The following NIBAN1 variants were observed in gnomAD, a reference collection of about 807,000 sequenced individuals.
NIBAN1 encodes the protein protein Niban 1.
Under a neutral mutation model 75.1 loss-of-function variants are expected in NIBAN1, and 81 were observed. The ratio of observed to expected loss-of-function variants is 1.08; its 90% CI spans 0.90 to 1.30. The LOEUF is 1.30. NIBAN1 is among the 50% of genes most tolerant of loss of function. NIBAN1 has a pLI of 0.00. For synonymous variants in NIBAN1, 436 were observed against 424.8 expected, an observed-to-expected ratio of 1.03 and a Z score of -0.32; for missense variants, 1,133 against 1,128.1, an observed-to-expected ratio of 1.00 and a Z score of -0.06.
intron 1 of NIBAN1, among the ~76,000 whole-genome samples, chr1:184,926,058 C>T (rs1657672522): frequency 6.6e-6 from 1 of 152,084 alleles, no homozygotes; most frequent in South Asian, 2.1e-4. Flanking sequence ...TAAGAAAGTT[C>T]TTATTTATCT....
intron 1 of NIBAN1, among the ~76,000 whole-genome samples, chr1:184,950,603 C>A (rs1242367350): frequency 6.6e-6 from 1 of 152,176 alleles, no homozygotes; most frequent in African/African-American, 2.4e-5. Flanking sequence ...GATTATACTT[C>A]TGCTTGTTCA....
chr1:184,887,295 A>C (rs938418089), intron 4 of NIBAN1, among the ~76,000 whole-genome samples: 1 of 152,214 alleles, frequency 6.6e-6, no homozygotes, highest in Non-Finnish European at 1.5e-5. Flanking sequence ...ATGAATCAAC[A>C]TGAAAACGAG....
intron 2 of NIBAN1, among the ~76,000 whole-genome samples, chr1:184,896,215 A>G (rs1557904561): frequency 2.6e-5 from 4 of 152,012 alleles, no homozygotes; most frequent in Admixed American, 1.3e-4. Flanking sequence ...CATCCACATC[A>G]TCTGTTATTT....
At chr1:184,958,540 T>C (rs1658549109) in intron 1 of NIBAN1, among the ~76,000 whole-genome samples, 1 of 152,262 alleles carries the variant, frequency 6.6e-6, no homozygotes, top group Admixed American at 6.5e-5. Context: ...AAGAAAAAGC[T>C]ATGTATACTT....
intron 1 of NIBAN1, among the ~76,000 whole-genome samples, chr1:184,903,569 G>T (rs1451326687): frequency 6.6e-6 from 1 of 151,832 alleles, no homozygotes; most frequent in African/African-American, 2.4e-5. Context: ...AAGGGAGCCT[G>T]GCACCTTCTC....
Position 184,795,991 on chromosome 1 carries a change from C to G in NIBAN1, c.1773G>C (p.Gly591=), listed in dbSNP as rs1443923226. ...SSLTDLKPPT[G]SNQASPARRA... ...TCCTGGCAGGGCTGGCCTGGTTTGA[C>G]CCTGTGGGGGGCTTTAGATCTGTTA... is the stretch of plus-strand genomic sequence containing the variant. The change falls in exon 14 of 14, where the codon GGG becomes GGC. Residue 591 remains glycine (G), a synonymous_variant. Coordinates refer to ENST00000367511, the MANE Select transcript of NIBAN1 (RefSeq NM_052966.4). The G allele has an allele frequency of 1.9e-6, 3 of 1,613,778 alleles. No individual in the cohort carries two copies. Among genetic ancestry groups the G allele is most frequent in the Non-Finnish European group, 2.5e-6 (3 of 1,180,028 alleles).
chr1:184,914,707 G>A, intron 1 of NIBAN1, among the ~76,000 whole-genome samples: 1 of 147,932 alleles, frequency 6.8e-6, no homozygotes, highest in Non-Finnish European at 1.5e-5. Flanking sequence ...AAAATTAATG[G>A]TTTAGTTAAC....
chr1:184,895,079 C>T (rs983396146), intron 2 of NIBAN1, among the ~76,000 whole-genome samples: 1 of 151,856 alleles, frequency 6.6e-6, no homozygotes, highest in African/African-American at 2.4e-5. Context: ...TTTAAATGAG[C>T]TATACAGAAA....
In NIBAN1 at chr1:184,795,647, G is replaced by C. The variant is rs367621751; in HGVS notation, c.2117C>G (p.Ser706Trp). 7 of 1,614,024 alleles carry C rather than the reference G, an allele frequency of 4.3e-6. No homozygotes were observed. In the South Asian group the frequency reaches 6.6e-5, roughly 15 times the overall value. Residue 706 changes from serine (S) to tryptophan (W), a missense_variant, in exon 14 of 14, where the codon TCG becomes TGG. By Grantham distance (177) the Ser-to-Trp change is radical. Transcript: ENST00000367511. ...CTTTCTGAGCGCCTTCAAAGAACCCGAGGCAGTGATGGGTTCTGGCTCTTC... is the reference window on the plus strand; with the variant it reads ...CTTTCTGAGCGCCTTCAAAGAACCCCAGGCAGTGATGGGTTCTGGCTCTTC... ...AQEEPEPITASGSLKALRKLL... is the reference protein window; with the variant it reads ...AQEEPEPITAWGSLKALRKLL...
chr1:184,804,167 G>C (rs1169929672), intron 11 of NIBAN1, among the ~76,000 whole-genome samples: 10 of 152,208 alleles, frequency 6.6e-5, no homozygotes, highest in Admixed American at 6.5e-4. Flanking sequence ...TCCAGAACAA[G>C]AAAGATGACG....
intron 1 of NIBAN1, among the ~76,000 whole-genome samples, chr1:184,905,119 G>A (rs1380089254): frequency 6.6e-6 from 1 of 152,084 alleles, no homozygotes; most frequent in African/African-American, 2.4e-5. Flanking sequence ...CCAAAGCTTG[G>A]TGTGTGTGGC....
chr1:184,830,513 G>C (rs1654968528), intron 6 of NIBAN1, among the ~76,000 whole-genome samples: 1 of 152,186 alleles, frequency 6.6e-6, no homozygotes, highest in Non-Finnish European at 1.5e-5. Flanking sequence ...GAGAGAGAGA[G>C]AAAGAGAAGA....
In NIBAN1 at chr1:184,793,324, G is replaced by C. The variant is rs1269591536; in HGVS notation, c.*1653C>G. On this transcript the variant is annotated 3_prime_UTR_variant, in exon 14 of 14. Coordinates refer to ENST00000367511, the MANE Select transcript of NIBAN1 (RefSeq NM_052966.4). ...TAATCCCAGCACTTTGGGAAGTCGA[G>C]GTGGGTGGATCGCTTGAAATCAGGA... 6.6e-6 allele frequency: 1 copy of C among 152,198 alleles called. No homozygotes were observed. The highest frequency in any genetic ancestry group is 1.5e-5 in the Non-Finnish European group (1 of 68,046). The allele number at this position is 152,198 out of a possible 1,614,324, so 9.4% of individuals were successfully genotyped here.
intron 1 of NIBAN1, among the ~76,000 whole-genome samples, chr1:184,963,017 A>AT (rs921101961): frequency 2.0e-5 from 3 of 151,930 alleles, no homozygotes; most frequent in Admixed American, 6.6e-5. Context: ...CCCCCAATAA[A>AT]TTTTTTTTCA....
rs1328775792 is a variant in NIBAN1, at chr1:184,917,213, T to C, written c.56-17904A>G. 2.0e-5 allele frequency among the ~76,000 whole-genome samples: 3 copies of C among 151,298 alleles called. No individual in the cohort carries two copies. In the East Asian group the frequency reaches 5.8e-4, roughly 29 times the overall value. On this transcript the variant is annotated intron_variant, in intron 1 of 13. Transcript: ENST00000367511. The stretch of plus-strand genomic sequence containing the variant: ...GACTATCTCTTCCACTTTTTTTTTT[T>C]TTTTTCTTTGAGATGAAGTCTCACT...
At chr1:184,812,932 A>G (rs1654424470) in intron 9 of NIBAN1, among the ~76,000 whole-genome samples, 1 of 152,214 alleles carries the variant, frequency 6.6e-6, no homozygotes, top group Non-Finnish European at 1.5e-5. Flanking sequence ...GAGATTACCT[A>G]CTTTGGTAAA....
At position 184,964,063 on chromosome 1, in the gene NIBAN1, C is replaced by A. The variant is rs185508592; in HGVS notation, c.55+10239G>T. 1.6e-3 allele frequency among the ~76,000 whole-genome samples: 224 copies of A among 135,900 alleles called. 1 individual carries two copies. Among genetic ancestry groups the A allele is most frequent in the African/African-American group, 7.0e-3 (218 of 31,108 alleles). The allele number at this position is 135,900 out of a possible 152,430, so 89.2% of individuals were successfully genotyped here. A position where few individuals can be genotyped will look rare whatever the true frequency, so the allele number is the denominator to read the frequency against. On this transcript the variant is annotated intron_variant, in intron 1 of 13. Coordinates refer to ENST00000367511, the MANE Select transcript of NIBAN1 (RefSeq NM_052966.4). Reference sequence around the variant, plus strand: ...AAACCAAGGGACTGGACTAAATAAGCTAAAAAAAAAAAAAAGGAACCAAGA... The same window carrying A: ...AAACCAAGGGACTGGACTAAATAAGATAAAAAAAAAAAAAAGGAACCAAGA...
In NIBAN1 at chr1:184,963,061, G is replaced by A. The variant is rs533862322; in HGVS notation, c.55+11241C>T. Among the ~76,000 whole-genome samples the A allele has an allele frequency of 7.3e-4, 111 of 151,556 alleles. 1 individual carries two copies. Among genetic ancestry groups the A allele is most frequent in the Non-Finnish European group, 9.6e-4 (65 of 67,808 alleles). The stretch of plus-strand genomic sequence containing the variant: ...GACTTTTATTAATGCAAGTGGTAAA[G>A]TAAGAAAAAAATACATAAGCAAATC... On this transcript the variant is annotated intron_variant, in intron 1 of 13. Transcript: ENST00000367511.
At chr1:184,932,531 G>A (rs1225307948) in intron 1 of NIBAN1, among the ~76,000 whole-genome samples, 1 of 152,158 alleles carries the variant, frequency 6.6e-6, no homozygotes, top group Middle Eastern at 3.2e-3. Flanking sequence ...ATGGGGAGCG[G>A]CTGTAAATAC....
Sources: gnomAD v4.1 joint callset for allele counts (sites outside exome capture counted in the v4.1 genomes callset) on GRCh38, gnomAD v4.1.1 for gene constraint, MANE v1.5 for transcripts, NCBI Gene and HGNC (gene_info 2026-07-23, HGNC 2026-07-21) for gene names.